TCF4: variants seen among roughly 807,000 people sequenced by gnomAD.
The protein encoded by TCF4 is transcription factor 4.
In TCF4, 3 loss-of-function variants were observed where a neutral mutation model predicts 82.1. That is an observed-to-expected ratio of 0.04 (90% CI 0.02 to 0.09). The LOEUF (loss-of-function observed/expected upper bound fraction) is 0.09. TCF4 is among the 10% of genes least tolerant of loss of function. The pLI, the probability that TCF4 is intolerant of heterozygous loss-of-function variation, is 1.00. For missense variants in TCF4, 518 were observed against 852.7 expected, an observed-to-expected ratio of 0.61 and a Z score of 4.89; for synonymous variants, 276 against 309.6, an observed-to-expected ratio of 0.89 and a Z score of 1.14.
At chr18:55,538,021 C>T (rs1394737135) in intron 3 of TCF4, among the ~76,000 whole-genome samples, 1 of 135,770 alleles carries the variant, frequency 7.4e-6, no homozygotes, top group Non-Finnish European at 1.6e-5. Context: ...CTAGTCTGCG[C>T]GCGCGCACAC....
chr18:55,510,632 T>G (rs559860243), intron 3 of TCF4: 4 of 1,514,972 alleles, frequency 2.6e-6, no homozygotes, highest in Non-Finnish European at 3.5e-6. Context: ...CCAATATATC[T>G]GGTGATTAAA....
At chr18:55,261,632 T>C (rs1262168082) in intron 11 of TCF4, 99 bp from the exon 12 acceptor site, 2 of 1,295,800 alleles carry the variant, frequency 1.5e-6, no homozygotes, top group Non-Finnish European at 2.2e-6. Flanking sequence ...GCATTTTTAA[T>C]GCTAATTACA....
At chr18:55,537,567 TGAGTGA>T (rs778852974) in intron 3 of TCF4, among the ~76,000 whole-genome samples, 4 of 144,556 alleles carry the variant, frequency 2.8e-5, no homozygotes, top group Non-Finnish European at 4.8e-5. Flanking sequence ...CACTCCAGCC[TGAGTGA>T]GAGTGAGACC....
Position 55,352,534 on chromosome 18 carries a change from G to A in TCF4, c.370-1531C>T, listed in dbSNP as rs200871246. Among the ~76,000 whole-genome samples, 9 of 152,156 alleles carry A rather than the reference G, an allele frequency of 5.9e-5. No homozygotes were observed. In the East Asian group the frequency reaches 1.2e-3, roughly 20 times the overall value. On this transcript the variant is annotated intron_variant, in intron 6 of 19. Coordinates refer to ENST00000354452, the MANE Select transcript of TCF4 (RefSeq NM_001083962.2). Reference sequence around the variant, plus strand: ...TCAAGGATGAGATTTCAGATTGAAAGCACATTTTGAGTAATAAACTCATTG... The same window carrying A: ...TCAAGGATGAGATTTCAGATTGAAAACACATTTTGAGTAATAAACTCATTG...
chr18:55,424,842 C>T (rs2094915448), intron 5 of TCF4, among the ~76,000 whole-genome samples: 1 of 152,048 alleles, frequency 6.6e-6, no homozygotes, highest in Non-Finnish European at 1.5e-5. Flanking sequence ...GATACTTTCC[C>T]CAGCTTTAGG....
intron 5 of TCF4, among the ~76,000 whole-genome samples, chr18:55,427,630 G>A (rs1214410373): frequency 6.6e-6 from 1 of 152,132 alleles, no homozygotes; most frequent in African/African-American, 2.4e-5. Context: ...TCATGCTATT[G>A]TTGTGAGGAA....
chr18:55,558,552 G>C (rs903022286), intron 3 of TCF4, among the ~76,000 whole-genome samples: 1 of 152,052 alleles, frequency 6.6e-6, no homozygotes, highest in African/African-American at 2.4e-5. Context: ...CAAAATCTAA[G>C]TATTTCTCAA....
chr18:55,531,657 T>C (rs1457563242), intron 3 of TCF4, among the ~76,000 whole-genome samples: 1 of 152,214 alleles, frequency 6.6e-6, no homozygotes, highest in Non-Finnish European at 1.5e-5. Context: ...GATTAATAAA[T>C]GGTATCTGTG....
intron 8 of TCF4, among the ~76,000 whole-genome samples, chr18:55,333,783 C>T (rs1311567055): frequency 6.6e-6 from 1 of 152,128 alleles, no homozygotes; most frequent in Non-Finnish European, 1.5e-5. Context: ...AAAGGCAGGA[C>T]GAGGTTTATT....
At chr18:55,606,735 G>A (rs988596285) in intron 2 of TCF4, among the ~76,000 whole-genome samples, 3 of 152,112 alleles carry the variant, frequency 2.0e-5, no homozygotes, top group Admixed American at 6.6e-5. Flanking sequence ...GATGAAAATC[G>A]TATTTATTCA....
chr18:55,532,514 T>C (rs908916864), intron 3 of TCF4, among the ~76,000 whole-genome samples: 2 of 152,202 alleles, frequency 1.3e-5, no homozygotes, highest in African/African-American at 2.4e-5. Context: ...AACCGTAATA[T>C]GACCACTTCT....
rs997456937 is a variant in TCF4 at position 55,482,553 on chromosome 18, A to G, written c.146-18416T>C. On this transcript the variant is annotated intron_variant, in intron 3 of 19. Transcript: ENST00000354452. ...GCGCCCCAAGAACCACTGGCATATT[A>G]ATAGTGTACAGTGTATTGCTTAAGA... Among the ~76,000 whole-genome samples the G allele has an allele frequency of 6.6e-5, 10 of 152,198 alleles. No individual in the cohort carries two copies. In the East Asian group the frequency reaches 1.5e-3, roughly 23 times the overall value.
intron 3 of TCF4, among the ~76,000 whole-genome samples, chr18:55,522,576 T>C: frequency 6.6e-6 from 1 of 152,036 alleles, no homozygotes; most frequent in East Asian, 1.9e-4. Flanking sequence ...AAACTAAAAA[T>C]GCATTAACAA....
intron 5 of TCF4, among the ~76,000 whole-genome samples, chr18:55,457,623 C>T (rs1169934703): frequency 6.6e-6 from 1 of 152,106 alleles, no homozygotes; most frequent in Non-Finnish European, 1.5e-5. Flanking sequence ...GTAGTTGGGA[C>T]CACAGAAGTG....
intron 5 of TCF4, among the ~76,000 whole-genome samples, chr18:55,429,599 A>C (rs2095112156): frequency 6.6e-6 from 1 of 151,902 alleles, no homozygotes; most frequent in Non-Finnish European, 1.5e-5. Flanking sequence ...ATCTCTACTA[A>C]AAATACAAAA....
At chr18:55,236,874 A>C (rs1455778616) in intron 15 of TCF4, among the ~76,000 whole-genome samples, 3 of 152,232 alleles carry the variant, frequency 2.0e-5, no homozygotes, top group African/African-American at 7.2e-5. Context: ...AGTCAAAATC[A>C]CTGAAGGTAA....
At chr18:55,322,426 A>G (rs960610242) in intron 8 of TCF4, 31 of 356,962 alleles carry the variant, frequency 8.7e-5, no homozygotes, top group Middle Eastern at 1.2e-3. Context: ...GGGAGGGAAG[A>G]AAAAAAAAAA....
intron 6 of TCF4, among the ~76,000 whole-genome samples, chr18:55,367,440 A>G (rs1040539629): frequency 6.6e-6 from 1 of 152,210 alleles, no homozygotes; most frequent in African/African-American, 2.4e-5. Flanking sequence ...AGGAAATTAT[A>G]ATGTATCAAG....
chr18:55,488,050 G>A (rs901352562), intron 3 of TCF4, among the ~76,000 whole-genome samples: 3 of 152,146 alleles, frequency 2.0e-5, no homozygotes, highest in Non-Finnish European at 4.4e-5. Flanking sequence ...GGATGGCTTT[G>A]CACCCCATTT....
Sources: gnomAD v4.1 joint callset for allele counts (sites outside exome capture counted in the v4.1 genomes callset) on GRCh38, gnomAD v4.1.1 for gene constraint, MANE v1.5 for transcripts, NCBI Gene and HGNC (gene_info 2026-07-23, HGNC 2026-07-21) for gene names.